The following LIMS2 variants were observed in gnomAD, a reference collection of about 807,000 sequenced individuals.
LIMS2 encodes LIM and senescent cell antigen-like-containing domain protein 2.
A neutral mutation model predicts 45.3 loss-of-function variants in LIMS2; 30 were observed. That is an observed-to-expected ratio of 0.66 (90% CI 0.50 to 0.90). LIMS2 has a LOEUF of 0.90. LIMS2 is among the 40% of genes least tolerant of loss of function. The probability of loss-of-function intolerance (pLI) is 0.00; values close to 1 mark genes in which losing one functional copy is unlikely to be tolerated. For missense variants in LIMS2, 485 were observed against 468.7 expected, an observed-to-expected ratio of 1.03 and a Z score of -0.32; for synonymous variants, 173 against 188.0, an observed-to-expected ratio of 0.92 and a Z score of 0.65.
chr2:127,651,190 G>C (rs1190926520), intron 4 of LIMS2: 1 of 1,611,360 alleles, frequency 6.2e-7, no homozygotes, highest in South Asian at 1.1e-5. Context: ...CACCTGGCCT[G>C]TGCCTTCCTG....
chr2:127,640,943 G>A lies in LIMS2; in HGVS notation c.706C>T (p.His236Tyr), dbSNP rs745400120. ...TAGGCCAGGCCCTTCTTCTCATAGT[G>A]CCGGTGCCCCAGGAATGGCTTCTCA... ...KCEKPFLGHRHYEKKGLAYCE... is the reference protein window; with the variant it reads ...KCEKPFLGHRYYEKKGLAYCE... Residue 236 changes from histidine (H) to tyrosine (Y), a missense_variant, in exon 7 of 10, where the codon CAC (histidine) becomes TAC (tyrosine). His to Tyr is a moderately conservative substitution (Grantham distance 83). Coordinates refer to ENST00000355119, the MANE Select transcript of LIMS2 (RefSeq NM_001161403.3). The A allele has an allele frequency of 1.2e-6, 2 of 1,613,972 alleles. No homozygotes were observed. The highest frequency in any genetic ancestry group is 4.5e-5 in the East Asian group (2 of 44,884).
At position 127,657,520 on chromosome 2, in the gene LIMS2, G is replaced by A. The variant is rs1573818818; in HGVS notation, c.54C>T (p.Cys18=). ...DALANAVCQR[C]QARFSPAERI... is the part of the protein sequence containing the mutation. ...GCTCGGCGGGGGAGAAGCGGGCCTG[G>A]CAGCGCTGGCACACGGCGTTGGCCA... Residue 18 remains cysteine (C), a synonymous_variant, in exon 2 of 10, where the codon TGC becomes TGT. Coordinates refer to ENST00000355119, the MANE Select transcript of LIMS2 (RefSeq NM_001161403.3). 6.2e-7 allele frequency: 1 copy of A among 1,612,186 alleles called. No individual in the cohort carries two copies. Among genetic ancestry groups the A allele is most frequent in the Non-Finnish European group, 8.5e-7 (1 of 1,179,310 alleles).
chr2:127,680,715 A>G (rs1685595143), intron 1 of LIMS2, among the ~76,000 whole-genome samples: 1 of 152,150 alleles, frequency 6.6e-6, no homozygotes, highest in African/African-American at 2.4e-5. Flanking sequence ...GTAGAGGTGG[A>G]CCATCGAGCT....
chr2:127,660,214 A>T (rs1456651346), intron 1 of LIMS2, among the ~76,000 whole-genome samples: 2 of 152,126 alleles, frequency 1.3e-5, no homozygotes, highest in Non-Finnish European at 2.9e-5. Flanking sequence ...CACTCTATAA[A>T]ATAGACCAAT....
Position 127,661,060 on chromosome 2 carries a change from G to A in LIMS2, c.12-3498C>T, listed in dbSNP as rs1389280364. The stretch of plus-strand genomic sequence containing the variant: ...TCCAAGAGCAAAGACGGGACAGACA[G>A]AAGCATGCAGAGACAACGGAGACAC... On this transcript the variant is annotated intron_variant, in intron 1 of 9. Coordinates refer to ENST00000355119, the MANE Select transcript of LIMS2 (RefSeq NM_001161403.3). Among the ~76,000 whole-genome samples, 5 of 152,362 alleles carry A rather than the reference G, an allele frequency of 3.3e-5. No homozygotes were observed. The South Asian group carries it at 8.3e-4, about 25-fold the overall frequency.
chr2:127,665,469 T>A (rs1450445169), intron 1 of LIMS2, among the ~76,000 whole-genome samples: 3 of 152,178 alleles, frequency 2.0e-5, no homozygotes, highest in Non-Finnish European at 4.4e-5. Context: ...TTAAGCACCC[T>A]GGCAGTCAAG....
chr2:127,641,078 G>C, intron 6 of LIMS2, 90 bp from the exon 7 acceptor site: 2 of 1,018,214 alleles, frequency 2.0e-6, no homozygotes, highest in Non-Finnish European at 3.0e-6. Flanking sequence ...AGTGACCCCA[G>C]GAGCCAGTGA....
intron 1 of LIMS2, among the ~76,000 whole-genome samples, chr2:127,658,338 G>A (rs1684395574): frequency 6.6e-6 from 1 of 152,182 alleles, no homozygotes; most frequent in South Asian, 2.1e-4. Flanking sequence ...GGCCGAGGCT[G>A]AGTGCCACTG....
chr2:127,651,474 T>G, intron 4 of LIMS2: 1 of 1,612,930 alleles, frequency 6.2e-7, no homozygotes, highest in Non-Finnish European at 8.5e-7. Context: ...CTTCCTGGTC[T>G]GCTTCGTGCC....
chr2:127,668,310 G>A (rs1299517342), intron 1 of LIMS2, among the ~76,000 whole-genome samples: 1 of 151,790 alleles, frequency 6.6e-6, no homozygotes, highest in Admixed American at 6.6e-5. Flanking sequence ...TAAAGAAATA[G>A]ACAAGGCATT....
In LIMS2 at chr2:127,653,028, C is replaced by A. The variant is rs1294902227; in HGVS notation, c.359+1396G>T. ...CTGTCGGCGACGTTGCTGGTCAGCA[C>A]GAGCTCCTGGTGCTGTCCCTCGGCC... On this transcript the variant is annotated intron_variant, in intron 4 of 9. Coordinates refer to ENST00000355119, the MANE Select transcript of LIMS2 (RefSeq NM_001161403.3). The surrounding 1 kb of genome is among the most constrained non-coding windows in gnomAD (Gnocchi z 5.3). Among the ~76,000 whole-genome samples, 2 of 152,238 alleles carry A rather than the reference C, an allele frequency of 1.3e-5. No homozygotes were observed. The highest frequency in any genetic ancestry group is 4.8e-5 in the African/African-American group (2 of 41,464).
intron 9 of LIMS2, among the ~76,000 whole-genome samples, 169 bp from the exon 10 acceptor site, chr2:127,639,597 G>A (rs578173756): frequency 1.3e-5 from 2 of 152,184 alleles, no homozygotes; most frequent in East Asian, 1.9e-4. Context: ...GGATGAGAAG[G>A]GCCTTGAGGC....
At chr2:127,666,287 T>G (rs754712685) in intron 1 of LIMS2, among the ~76,000 whole-genome samples, 1 of 151,832 alleles carries the variant, frequency 6.6e-6, no homozygotes, top group Admixed American at 6.6e-5. Flanking sequence ...TAGCAAAAAT[T>G]ATCAGAATCT....
upstream of LIMS2, among the ~76,000 whole-genome samples, chr2:127,677,366 G>A (rs1269745684): frequency 6.6e-6 from 1 of 152,202 alleles, no homozygotes; most frequent in Admixed American, 6.5e-5. The surrounding 1 kb of genome is among the most constrained non-coding windows in gnomAD (Gnocchi z 5.0). Flanking sequence ...TTAGACAAGG[G>A]TAAGTGCTGC....
At chr2:127,656,741 T>C (rs1031058870) in intron 2 of LIMS2, among the ~76,000 whole-genome samples, 10 of 152,166 alleles carry the variant, frequency 6.6e-5, no homozygotes, top group Non-Finnish European at 1.5e-4. Flanking sequence ...TGTCAGCAGA[T>C]AGTGTGACTC....
Position 127,675,467 on chromosome 2 carries a change from C to T in LIMS2, c.-443G>A, listed in dbSNP as rs987016033. On this transcript the variant is annotated 5_prime_UTR_variant, in exon 1 of 10. It adds an upstream start codon to the 5' untranslated region. Transcript: ENST00000355119. ...CCGCACAGCCCCAGCTCCAGGGACA[C>T]GGAGCGCGGCCAGCGGCGGGCGCGG... is the stretch of plus-strand genomic sequence containing the variant. 6.6e-6 allele frequency among the ~76,000 whole-genome samples: 1 copy of T among 152,122 alleles called. No homozygotes were observed. Among genetic ancestry groups the T allele is most frequent in the Admixed American group, 6.5e-5 (1 of 15,294 alleles).
intron 4 of LIMS2, chr2:127,651,544 C>A (rs555817760): frequency 1.2e-6 from 2 of 1,612,580 alleles, no homozygotes; most frequent in African/African-American, 2.7e-5. Flanking sequence ...GCCTCCTGCG[C>A]CACCCAGCGC....
intron 4 of LIMS2, among the ~76,000 whole-genome samples, chr2:127,649,599 C>T (rs879902113): frequency 1.4e-4 from 21 of 152,354 alleles, no homozygotes; most frequent in Admixed American, 7.2e-4. Flanking sequence ...CACTGCCACT[C>T]GCAGGCCTGG....
At chr2:127,643,987 C>G (rs892937886) in intron 4 of LIMS2, 1 of 452,566 alleles carries the variant, frequency 2.2e-6, no homozygotes, top group African/African-American at 2.0e-5. Flanking sequence ...AATCGCAGAC[C>G]CAAGATCCCC....
Sources: allele counts gnomAD v4.1 joint callset (sites outside exome capture counted in the v4.1 genomes callset), GRCh38; gene constraint gnomAD v4.1.1; non-coding constraint Gnocchi (gnomAD v3.1); transcripts MANE v1.5; gene names NCBI Gene and HGNC (gene_info 2026-07-23, HGNC 2026-07-21).